The following TPD52L1 variants were observed in gnomAD, a reference collection of about 807,000 sequenced individuals.
The protein encoded by TPD52L1 is TPD52 like 1.
In TPD52L1, 18 loss-of-function variants were observed where a neutral mutation model predicts 28.7. The ratio of observed to expected loss-of-function variants is 0.63; its 90% confidence interval spans 0.43 to 0.93. The LOEUF (loss-of-function observed/expected upper bound fraction) is 0.93, where lower values mean the gene tolerates loss of function less well. Among genes scored for constraint, TPD52L1 ranks in the 40% least tolerant of loss-of-function variants. TPD52L1 has a pLI of 0.00. For synonymous variants in TPD52L1, 75 were observed against 88.8 expected (o/e 0.84, Z 0.88); for missense variants, 203 against 254.8 (o/e 0.80, Z 1.39).
intron 3 of TPD52L1, among the ~76,000 whole-genome samples, chr6:125,231,742 T>A (rs778467000): frequency 1.1e-4 from 16 of 152,078 alleles, no homozygotes; most frequent in Admixed American, 2.6e-4. Context: ...TAGGACCAAG[T>A]GTGATGTCTA....
At chr6:125,210,538 G>C (rs1412321620) in intron 1 of TPD52L1, among the ~76,000 whole-genome samples, 1 of 151,866 alleles carries the variant, frequency 6.6e-6, no homozygotes, top group African/African-American at 2.4e-5. Flanking sequence ...TTTCTCCAGG[G>C]CATTCATTTT....
intron 4 of TPD52L1, among the ~76,000 whole-genome samples, chr6:125,251,545 C>G (rs1797263846): frequency 6.6e-6 from 1 of 152,074 alleles, no homozygotes; most frequent in East Asian, 1.9e-4. Context: ...CTCATTTTAA[C>G]CTGATTGTCA....
At chr6:125,254,315 C>A (rs533327453) in intron 5 of TPD52L1, among the ~76,000 whole-genome samples, 4 of 152,152 alleles carry the variant, frequency 2.6e-5, no homozygotes, top group African/African-American at 4.8e-5. Flanking sequence ...TTCAAGTTTG[C>A]ATGGCATAGT....
chr6:125,153,951 C>A lies in TPD52L1; in HGVS notation c.-1C>A. Reference sequence around the variant, plus strand: ...CCGCCCTCAGCTCGAAGTCAGCCACCATGGAGGCGCAGGCACAAGGTGAGT... The same window carrying A: ...CCGCCCTCAGCTCGAAGTCAGCCACAATGGAGGCGCAGGCACAAGGTGAGT... On this transcript the variant is annotated 5_prime_UTR_variant, in exon 1 of 7. Transcript: ENST00000534000. 6.2e-7 allele frequency: 1 copy of A among 1,607,400 alleles called. No homozygotes were observed. The highest frequency in any genetic ancestry group is 8.5e-7 in the Non-Finnish European group (1 of 1,178,490).
intron 2 of TPD52L1, among the ~76,000 whole-genome samples, chr6:125,226,226 A>T (rs1045831785): frequency 3.3e-5 from 5 of 152,212 alleles, no homozygotes; most frequent in African/African-American, 7.2e-5. Context: ...TTTATTATAG[A>T]ATCTGAGAAT....
At chr6:125,210,641 A>T (rs1266025070) in intron 1 of TPD52L1, among the ~76,000 whole-genome samples, 3 of 152,342 alleles carry the variant, frequency 2.0e-5, no homozygotes, top group South Asian at 4.1e-4. Context: ...CTTCTTGAGG[A>T]CAGAATAATA....
intron 1 of TPD52L1, among the ~76,000 whole-genome samples, chr6:125,170,368 G>A (rs1167634644): frequency 6.6e-6 from 1 of 151,192 alleles, no homozygotes; most frequent in African/African-American, 2.4e-5. Flanking sequence ...ATTAGGTTGT[G>A]TAGGGGCTAT....
chr6:125,230,183 C>T (rs376694987), intron 3 of TPD52L1, among the ~76,000 whole-genome samples: 1 of 152,128 alleles, frequency 6.6e-6, no homozygotes, highest in East Asian at 1.9e-4. Context: ...TACAATCACA[C>T]TTTTTTTATT....
intron 1 of TPD52L1, among the ~76,000 whole-genome samples, chr6:125,215,243 A>G (rs1375720657): frequency 1.3e-5 from 2 of 151,600 alleles, no homozygotes; most frequent in African/African-American, 4.9e-5. Flanking sequence ...TGCTTTTTTC[A>G]TTCCTGGTTT....
chr6:125,170,556 A>G (rs1791228786), intron 1 of TPD52L1, among the ~76,000 whole-genome samples: 1 of 151,964 alleles, frequency 6.6e-6, no homozygotes, highest in African/African-American at 2.4e-5. Flanking sequence ...TTAACAAGTA[A>G]TACCCAGCCC....
At chr6:125,229,937 A>G (rs1337782538) in intron 3 of TPD52L1, among the ~76,000 whole-genome samples, 1 of 152,020 alleles carries the variant, frequency 6.6e-6, no homozygotes, top group Non-Finnish European at 1.5e-5. Context: ...AATACAAAAA[A>G]TCAGCTGGGT....
In TPD52L1 at chr6:125,262,979, G is replaced by A. The variant is rs1230473493; in HGVS notation, c.*17G>A. ...CAGTGCTAAGTCCAGCCAGCGTGCA[G>A]CTGCATCCAGAAACCGGCCACTACC... On this transcript the variant is annotated 3_prime_UTR_variant, in exon 7 of 7. Transcript: ENST00000534000. 1.2e-6 allele frequency: 2 copies of A among 1,607,710 alleles called. No homozygotes were observed. The highest frequency in any genetic ancestry group is 1.3e-5 in the African/African-American group (1 of 74,822).
At chr6:125,235,242 A>G (rs1442771397) in intron 3 of TPD52L1, among the ~76,000 whole-genome samples, 1 of 151,952 alleles carries the variant, frequency 6.6e-6, no homozygotes, top group Non-Finnish European at 1.5e-5. Context: ...ATCAAGTTCA[A>G]TCAGGATGCA....
At chr6:125,186,637 G>C (rs573014883) in intron 1 of TPD52L1, among the ~76,000 whole-genome samples, 1 of 152,116 alleles carries the variant, frequency 6.6e-6, no homozygotes, top group Non-Finnish European at 1.5e-5. Flanking sequence ...AACTATAAGC[G>C]GAAGAAATTG....
intron 1 of TPD52L1, among the ~76,000 whole-genome samples, chr6:125,194,030 T>C (rs925792891): frequency 6.6e-6 from 1 of 151,440 alleles, no homozygotes; most frequent in African/African-American, 2.4e-5. Flanking sequence ...ATAGTTTTTT[T>C]TTTTTTTTTT....
intron 1 of TPD52L1, among the ~76,000 whole-genome samples, chr6:125,207,440 A>G (rs1241250452): frequency 1.3e-5 from 2 of 152,224 alleles, no homozygotes; most frequent in African/African-American, 2.4e-5. Flanking sequence ...ACGATTCTCC[A>G]TAGATCTCTT....
At chr6:125,190,395 T>C (rs1792954077) in intron 1 of TPD52L1, among the ~76,000 whole-genome samples, 1 of 151,998 alleles carries the variant, frequency 6.6e-6, no homozygotes, top group Non-Finnish European at 1.5e-5. Flanking sequence ...CGGGAACCCA[T>C]GAGACTCAGA....
intron 1 of TPD52L1, among the ~76,000 whole-genome samples, chr6:125,178,667 A>G (rs1791982990): frequency 6.6e-6 from 1 of 151,474 alleles, no homozygotes; most frequent in Non-Finnish European, 1.5e-5. Flanking sequence ...AAATATATAT[A>G]TATATATATT....
intron 5 of TPD52L1, among the ~76,000 whole-genome samples, chr6:125,255,743 T>A (rs1797557821): frequency 6.6e-6 from 1 of 152,200 alleles, no homozygotes; most frequent in South Asian, 2.1e-4. Context: ...TTACTTTTTT[T>A]TTTTTGCACT....
Sources: gnomAD v4.1 joint callset for allele counts (sites outside exome capture counted in the v4.1 genomes callset) on GRCh38, gnomAD v4.1.1 for gene constraint, MANE v1.5 for transcripts, NCBI Gene and HGNC (gene_info 2026-07-23, HGNC 2026-07-21) for gene names.